The following EIF3H variants were observed in gnomAD, a reference collection of about 807,000 sequenced individuals.
EIF3H encodes the protein eukaryotic translation initiation factor 3 subunit H.
In EIF3H, 26 loss-of-function variants were observed where a neutral mutation model predicts 44.2. The observed-to-expected ratio is 0.59, with a 90% CI of 0.43 to 0.82. The LOEUF (loss-of-function observed/expected upper bound fraction) is 0.82. Ranked by LOEUF, EIF3H falls within the 40% of genes least tolerant of loss-of-function variation. The pLI, the probability that EIF3H is intolerant of heterozygous loss-of-function variation, is 0.00. For synonymous variants in EIF3H, 166 were observed against 151.9 expected, an observed-to-expected ratio of 1.09 and a Z score of -0.68; for missense variants, 359 against 432.8, an observed-to-expected ratio of 0.83 and a Z score of 1.51.
intron 2 of EIF3H, among the ~76,000 whole-genome samples, chr8:116,660,631 C>T (rs1235575443): frequency 1.3e-5 from 2 of 152,096 alleles, no homozygotes; most frequent in Non-Finnish European, 2.9e-5. Context: ...GGCAATGTTG[C>T]AACAGAGCTG....
chr8:116,761,030 C>T (rs926031151), intron 1 of EIF3H, among the ~76,000 whole-genome samples: 9 of 152,178 alleles, frequency 5.9e-5, no homozygotes, highest in African/African-American at 2.2e-4. Context: ...TTAGTGTGAA[C>T]TTCTCTATCA....
chr8:116,719,065 C>T (rs1212205883), intron 2 of EIF3H, among the ~76,000 whole-genome samples: 6 of 152,152 alleles, frequency 3.9e-5, no homozygotes, highest in East Asian at 3.9e-4. Context: ...TCTAGAAATA[C>T]GTGAATAGTA....
At chr8:116,675,421 G>A (rs765406414) in intron 2 of EIF3H, among the ~76,000 whole-genome samples, 2 of 152,130 alleles carry the variant, frequency 1.3e-5, no homozygotes, top group Non-Finnish European at 2.9e-5. Flanking sequence ...GGACTATCCT[G>A]TGCATTGTAA....
chr8:116,695,410 A>G (rs777834024), intron 2 of EIF3H, among the ~76,000 whole-genome samples: 1 of 152,070 alleles, frequency 6.6e-6, no homozygotes, highest in African/African-American at 2.4e-5. Context: ...ACACAGGTAC[A>G]TTTTTTTCTG....
chr8:116,750,056 T>A (rs964217116), intron 1 of EIF3H, among the ~76,000 whole-genome samples: 2 of 152,302 alleles, frequency 1.3e-5, no homozygotes, highest in African/African-American at 2.4e-5. Context: ...CTGAGAATGG[T>A]CATGAGAGTC....
chr8:116,658,036 T>C (rs1042803294), intron 3 of EIF3H, among the ~76,000 whole-genome samples: 2 of 152,202 alleles, frequency 1.3e-5, no homozygotes, highest in African/African-American at 4.8e-5. Context: ...CAAAATAGAT[T>C]GAAACAAGTG....
intron 1 of EIF3H, among the ~76,000 whole-genome samples, chr8:116,752,876 G>A (rs1815383238): frequency 6.6e-6 from 1 of 151,098 alleles, no homozygotes; most frequent in South Asian, 2.1e-4. Flanking sequence ...GAAGAGAAGA[G>A]TTTAAGGAAG....
intron 2 of EIF3H, among the ~76,000 whole-genome samples, chr8:116,670,382 T>C (rs1434909954): frequency 6.6e-6 from 1 of 152,142 alleles, no homozygotes; most frequent in Non-Finnish European, 1.5e-5. Flanking sequence ...TCACCAAAGA[T>C]ACACTATCAG....
Position 116,723,578 on chromosome 8 carries a change from C to T in EIF3H, c.289+2438G>A, listed in dbSNP as rs563038302. 3.9e-5 allele frequency among the ~76,000 whole-genome samples: 6 copies of T among 152,300 alleles called. No homozygotes were observed. The South Asian group carries it at 1.2e-3, about 32-fold the overall frequency. The stretch of plus-strand genomic sequence containing the variant: ...TGCAGACAAACTGCAAGGTATTTCA[C>T]TTTAGCAAGCATATACTTTGTGTTT... On this transcript the variant is annotated intron_variant, in intron 2 of 7. Coordinates refer to ENST00000521861, the MANE Select transcript of EIF3H (RefSeq NM_003756.3).
chr8:116,751,217 A>AAAATAAAAT (rs1554603732), intron 1 of EIF3H, among the ~76,000 whole-genome samples: 16 of 147,130 alleles, frequency 1.1e-4, no homozygotes, highest in Non-Finnish European at 2.1e-4. Context: ...GTCTCAAAAA[A>AAAATAAAAT]AAAATAAAAT....
chr8:116,727,414 C>T (rs1814863736), intron 1 of EIF3H, among the ~76,000 whole-genome samples: 1 of 152,172 alleles, frequency 6.6e-6, no homozygotes, highest in Non-Finnish European at 1.5e-5. Context: ...AACGAAGAAA[C>T]TAAAACTGAG....
chr8:116,660,929 AT>A (rs1465081654), intron 2 of EIF3H, among the ~76,000 whole-genome samples: 4 of 152,222 alleles, frequency 2.6e-5, no homozygotes, highest in Non-Finnish European at 5.9e-5. Context: ...AACCTATTTT[AT>A]ACACAATATG....
At chr8:116,671,068 C>T (rs1813745184) in intron 2 of EIF3H, among the ~76,000 whole-genome samples, 1 of 152,176 alleles carries the variant, frequency 6.6e-6, no homozygotes, top group Non-Finnish European at 1.5e-5. Flanking sequence ...CAGGCTCCTG[C>T]CAGATGTTTA....
At chr8:116,693,152 T>C (rs534107557) in intron 2 of EIF3H, among the ~76,000 whole-genome samples, 3 of 151,042 alleles carry the variant, frequency 2.0e-5, no homozygotes, top group East Asian at 1.9e-4. Flanking sequence ...GGCAGGAATA[T>C]ATTTGGAAGT....
intron 2 of EIF3H, among the ~76,000 whole-genome samples, chr8:116,672,065 G>A (rs1008259633): frequency 2.0e-5 from 3 of 152,096 alleles, no homozygotes; most frequent in Admixed American, 6.5e-5. Context: ...TATTACAATG[G>A]TATGGAGGCA....
At chr8:116,718,993 G>T (rs1013587367) in intron 2 of EIF3H, among the ~76,000 whole-genome samples, 1 of 152,036 alleles carries the variant, frequency 6.6e-6, no homozygotes, top group Non-Finnish European at 1.5e-5. Flanking sequence ...AAAGAATAAA[G>T]AAAAATTACT....
intron 1 of EIF3H, among the ~76,000 whole-genome samples, chr8:116,755,382 T>C (rs4629900): frequency 0.89 from 135,186 of 152,092 alleles, 60,375 homozygotes; most frequent in African/African-American, 0.96. Context: ...GAGTCTTTCT[T>C]CAAATCCCCC....
rs532893105 is a variant in EIF3H at position 116,738,531 on chromosome 8, G to T, written c.133-12359C>A. 3.0e-4 allele frequency among the ~76,000 whole-genome samples: 36 copies of T among 120,170 alleles called. 1 individual carries two copies. Among genetic ancestry groups the T allele is most frequent in the Non-Finnish European group, 4.4e-4 (25 of 56,978 alleles). The allele number at this position is 120,170 out of a possible 152,430, so 78.8% of individuals were successfully genotyped here. A position where few individuals can be genotyped will look rare whatever the true frequency, so the allele number is the denominator to read the frequency against. ...AACATAAAGAGGTAACTAACGTCTG[G>T]CCTGGTTTTCAACAAGCAGAAAGGC... On this transcript the variant is annotated intron_variant, in intron 1 of 7. Transcript: ENST00000521861.
intron 7 of EIF3H, among the ~76,000 whole-genome samples, chr8:116,645,510 G>A (rs892798384): frequency 2.0e-5 from 3 of 152,212 alleles, no homozygotes; most frequent in East Asian, 1.9e-4. Context: ...AACAAGTACG[G>A]TAGGTTTTCA....
Sources: gnomAD v4.1 joint callset for allele counts (sites outside exome capture counted in the v4.1 genomes callset) on GRCh38, gnomAD v4.1.1 for gene constraint, MANE v1.5 for transcripts, NCBI Gene and HGNC (gene_info 2026-07-23, HGNC 2026-07-21) for gene names.